ENO3: variants seen among roughly 807,000 people sequenced by gnomAD.
The protein encoded by ENO3 is enolase 3.
In ENO3, 46 loss-of-function variants were observed where a neutral mutation model predicts 47.7. That is an observed-to-expected ratio of 0.96 (90% CI 0.76 to 1.23). The LOEUF (loss-of-function observed/expected upper bound fraction) is 1.23. Among genes scored for constraint, ENO3 ranks in the 50% most tolerant of loss-of-function variants. The pLI is 0.00. For synonymous variants in ENO3, 223 were observed against 225.9 expected (o/e 0.99, Z 0.11); for missense variants, 575 against 566.2 (o/e 1.02, Z -0.16).
upstream of ENO3, among the ~76,000 whole-genome samples, chr17:4,949,616 G>A (rs1296325030): frequency 6.6e-6 from 1 of 151,932 alleles, no homozygotes; most frequent in Non-Finnish European, 1.5e-5. Flanking sequence ...TGGGGAGGGC[G>A]GGACGGGCGG....
At position 4,955,393 on chromosome 17, in the gene ENO3, T is replaced by C; in HGVS notation, c.668-14T>C. The stretch of plus-strand genomic sequence containing the variant: ...GGCACTGGAGTCTCAGGTCCTTTCT[T>C]GGTCCTCCCCCAGCCCTGGAGCTGC... On this transcript the variant is annotated splice_polypyrimidine_tract_variant and intron_variant, in intron 7 of 11. Transcript: ENST00000519602. 6.2e-7 allele frequency: 1 copy of C among 1,614,244 alleles called. No individual in the cohort carries two copies. Among genetic ancestry groups the C allele is most frequent in the Non-Finnish European group, 8.5e-7 (1 of 1,180,042 alleles).
In ENO3 at chr17:4,951,178, C is replaced by T. The variant is rs1971529656; in HGVS notation, c.-7C>T. 1.0e-6 allele frequency: 1 copy of T among 990,760 alleles called. No homozygotes were observed. 61.4% of individuals were successfully genotyped at this position (990,760 alleles called of 1,614,324 possible). On this transcript the variant is annotated 5_prime_UTR_variant, in exon 1 of 12. Coordinates refer to ENST00000519602, the MANE Select transcript of ENO3 (RefSeq NM_053013.4). ...CCATCCAAACCTCCAGCGAAGACAT[C>T]CCAGGTCGGGTGAATCTTCCAGCCC... is the stretch of plus-strand genomic sequence containing the variant.
intron 1 of ENO3, 178 bp from the exon 2 acceptor site, chr17:4,951,650 A>G: frequency 3.0e-6 from 2 of 670,538 alleles, no homozygotes; most frequent in Middle Eastern, 3.9e-4. Flanking sequence ...GTGGAATAAG[A>G]GCTGTTCTGA....
intron 2 of ENO3, among the ~76,000 whole-genome samples, chr17:4,952,567 C>T (rs1159514086): frequency 6.6e-6 from 1 of 152,180 alleles, no homozygotes; most frequent in Non-Finnish European, 1.5e-5. Flanking sequence ...TCGTGATCCG[C>T]CCGCCTTGGC....
intron 9 of ENO3, 103 bp downstream of exon 9, chr17:4,956,246 C>T: frequency 7.2e-7 from 1 of 1,380,966 alleles, no homozygotes; most frequent in Non-Finnish European, 1.0e-6. Flanking sequence ...TACCTTTCCC[C>T]TGGCACCTGA....
upstream of ENO3, chr17:4,948,733 C>T (rs1971462868): frequency 6.4e-6 from 2 of 311,674 alleles, no homozygotes; most frequent in South Asian, 5.1e-5. Flanking sequence ...GAAAGCAATG[C>T]AGAAGGATGG....
chr17:4,955,363 C>T (rs756436497), intron 7 of ENO3, 44 bp from the exon 8 acceptor site: 2 of 1,614,186 alleles, frequency 1.2e-6, no homozygotes, highest in Admixed American at 1.7e-5. Flanking sequence ...AGGCTGCAGA[C>T]AAGGGGCACT....
chr17:4,954,299 G>C (rs1015916785), intron 6 of ENO3: 1 of 213,446 alleles, frequency 4.7e-6, no homozygotes, highest in East Asian at 1.3e-4. Flanking sequence ...TAAGAGCATG[G>C]TCTCTAGAGA....
chr17:4,956,434 C>T (rs1244820417), intron 9 of ENO3, 139 bp from the exon 10 acceptor site: 2 of 887,038 alleles, frequency 2.3e-6, no homozygotes, highest in African/African-American at 3.3e-5. Flanking sequence ...CTTTTCCTCT[C>T]CTACTTCCCA....
upstream of ENO3, chr17:4,950,973 AG>A (rs1378724499): frequency 1.0e-6 from 1 of 961,976 alleles, no homozygotes; most frequent in African/African-American, 1.8e-5. Context: ...GCAGGTGCCC[AG>A]GGCCAGAGGC....
chr17:4,953,444 G>T lies in ENO3; in HGVS notation c.310+103G>T, dbSNP rs138639743. The T allele has an allele frequency of 1.2e-4, 184 of 1,518,646 alleles. 2 individuals carry two copies. In the East Asian group the frequency reaches 4.1e-3, roughly 34 times the overall value. The allele number at this position is 1,518,646 out of a possible 1,614,324, so 94.1% of individuals were successfully genotyped here. Reference sequence around the variant, plus strand: ...GTTATTTCTGGGTCCCCCATTTTGGGTCACACCGCAGCTGGATGGATTTGT... The same window carrying T: ...GTTATTTCTGGGTCCCCCATTTTGGTTCACACCGCAGCTGGATGGATTTGT... On this transcript the variant is annotated intron_variant, in intron 5 of 11. Coordinates refer to ENST00000519602, the MANE Select transcript of ENO3 (RefSeq NM_053013.4).
intron 1 of ENO3, 96 bp downstream of exon 1, chr17:4,951,278 C>T: frequency 9.9e-7 from 1 of 1,009,548 alleles, no homozygotes; most frequent in Non-Finnish European, 1.2e-6. Flanking sequence ...TTTTTTTCCT[C>T]CTGGGACTGG....
chr17:4,951,602 C>G, intron 1 of ENO3: 1 of 543,754 alleles, frequency 1.8e-6, no homozygotes, highest in Non-Finnish European at 3.3e-6. Flanking sequence ...ATCCCAGGAG[C>G]TATAGATAAG....
In ENO3 at chr17:4,955,572, A is replaced by T. The variant is rs1567672915; in HGVS notation, c.833A>T (p.Glu278Val). The stretch of plus-strand genomic sequence containing the variant: ...CACATCACTGGGGAGAAGCTCGGAG[A>T]GCTGTATAAGAGCTTTATCAAGAAC... The part of the protein sequence containing the change: ...ARHITGEKLG[E>V]LYKSFIKNYP... The change falls in exon 8 of 12, where the codon GAG becomes GTG. Residue 278 changes from glutamate to valine, a missense_variant. By Grantham distance (121) the Glu-to-Val change is moderately radical (BLOSUM62 -2). Coordinates refer to ENST00000519602, the MANE Select transcript of ENO3 (RefSeq NM_053013.4). 6.2e-7 allele frequency: 1 copy of T among 1,614,198 alleles called. No homozygotes were observed. Among genetic ancestry groups the T allele is most frequent in the East Asian group, 2.2e-5 (1 of 44,882 alleles).
Position 4,951,700 on chromosome 17 carries a change from CT to C in ENO3, c.-2-123del, listed in dbSNP as rs1325617551. On this transcript the variant is annotated intron_variant, in intron 1 of 11. Coordinates refer to ENST00000519602, the MANE Select transcript of ENO3 (RefSeq NM_053013.4). ...TGCGCCTGCCTCTTTGGTCTGTGACCTTTTTGTAGGGTATTTTTAGCTCCAG... is the reference window on the plus strand; with the variant it reads ...TGCGCCTGCCTCTTTGGTCTGTGACCTTTTGTAGGGTATTTTTAGCTCCAG... 10 of 1,045,834 alleles carry C rather than the reference CT, an allele frequency of 9.6e-6. No individual in the cohort carries two copies. The East Asian group carries it at 1.7e-4, about 18-fold the overall frequency. The allele number at this position is 1,045,834 out of a possible 1,614,324, so 64.8% of individuals were successfully genotyped here.
chr17:4,950,635 G>C (rs76811485), upstream of ENO3: 54 of 985,578 alleles, frequency 5.5e-5, no homozygotes, highest in African/African-American at 9.2e-4. Context: ...TAAGAGGTGA[G>C]ACCCTCTCGC....
chr17:4,953,980 T>A, intron 6 of ENO3, 135 bp downstream of exon 6: 1 of 1,360,124 alleles, frequency 7.4e-7, no homozygotes, highest in Non-Finnish European at 1.0e-6. Flanking sequence ...GAATCTCTCC[T>A]GCTGTGGTCC....
At position 4,955,041 on chromosome 17, in the gene ENO3, C is replaced by T. The variant is rs201787971; in HGVS notation, c.445-34C>T. On this transcript the variant is annotated intron_variant, in intron 6 of 11. Transcript: ENST00000519602. ...TGTCCCTTCTTGAGCTCTCATGCCC[C>T]GGCCCAGGTCCAGACACCCTCTCCC... 368 of 1,606,174 alleles carry T rather than the reference C, an allele frequency of 2.3e-4. No individual in the cohort carries two copies. The African/African-American group carries it at 3.1e-3, about 13-fold the overall frequency.
chr17:4,956,101 TGAA>T lies in ENO3; in HGVS notation c.1027_1029del (p.Lys343del). ...AAGAAGGCCTGCAACTGTCTGCTGC[TGAA>T]GGTCAACCAGATCGGCTCGGTGACC... On this transcript the variant is annotated inframe_deletion, in exon 9 of 12. Coordinates refer to ENST00000519602, the MANE Select transcript of ENO3 (RefSeq NM_053013.4). 2 of 1,614,074 alleles carry T rather than the reference TGAA, an allele frequency of 1.2e-6. No individual in the cohort carries two copies. The highest frequency in any genetic ancestry group is 1.7e-6 in the Non-Finnish European group (2 of 1,179,994).
Sources: allele counts gnomAD v4.1 joint callset (sites outside exome capture counted in the v4.1 genomes callset), GRCh38; gene constraint gnomAD v4.1.1; transcripts MANE v1.5; gene names NCBI Gene and HGNC (gene_info 2026-07-23, HGNC 2026-07-21).